ADAMTS16: variants seen among roughly 807,000 people sequenced by gnomAD.
ADAMTS16 encodes the protein A disintegrin and metalloproteinase with thrombospondin motifs 16.
In ADAMTS16, 94 loss-of-function variants were observed where a neutral mutation model predicts 145.8. The observed-to-expected ratio is 0.64, with a 90% CI of 0.55 to 0.77. The LOEUF (loss-of-function observed/expected upper bound fraction) is 0.77. Among genes scored for constraint, ADAMTS16 ranks in the 30% least tolerant of loss-of-function variants. ADAMTS16 has a pLI of 0.00. For synonymous variants in ADAMTS16, 659 were observed against 604.3 expected (o/e 1.09, Z -1.33); for missense variants, 1,585 against 1,591.5 (o/e 1.00, Z 0.07).
intron 16 of ADAMTS16, among the ~76,000 whole-genome samples, chr5:5,241,251 C>T (rs16875121): frequency 0.028 from 4,304 of 152,228 alleles, 200 homozygotes; most frequent in East Asian, 0.21. Context: ...GGTGAGTTTT[C>T]CAGAAAAGTC....
At chr5:5,222,268 A>G (rs1736626724) in intron 10 of ADAMTS16, among the ~76,000 whole-genome samples, 1 of 152,150 alleles carries the variant, frequency 6.6e-6, no homozygotes, top group South Asian at 2.1e-4. Flanking sequence ...GATGCCTCAC[A>G]TATTTTAAGC....
At chr5:5,152,775 A>G (rs888362024) in intron 3 of ADAMTS16, among the ~76,000 whole-genome samples, 1 of 152,218 alleles carries the variant, frequency 6.6e-6, no homozygotes. Flanking sequence ...TATTTTATGC[A>G]CTTAAGATAA....
intron 3 of ADAMTS16, among the ~76,000 whole-genome samples, chr5:5,151,140 C>A (rs3995768): frequency 0.49 from 73,767 of 151,660 alleles, 18,460 homozygotes; most frequent in Middle Eastern, 0.63. Context: ...ATTTTTATTT[C>A]TTTCTTTTAA....
intron 17 of ADAMTS16, among the ~76,000 whole-genome samples, chr5:5,250,164 T>C (rs76111726): frequency 0.026 from 3,951 of 152,236 alleles, 150 homozygotes; most frequent in African/African-American, 0.089. Context: ...GAGTTCTCAC[T>C]TTGCGCTGTG....
At chr5:5,152,237 G>C (rs1041445097) in intron 3 of ADAMTS16, among the ~76,000 whole-genome samples, 3 of 152,232 alleles carry the variant, frequency 2.0e-5, no homozygotes, top group African/African-American at 7.2e-5. Context: ...CCGAATTGCA[G>C]ATGGGACTGC....
intron 3 of ADAMTS16, among the ~76,000 whole-genome samples, chr5:5,175,488 C>A (rs1299257728): frequency 6.6e-6 from 1 of 152,212 alleles, no homozygotes; most frequent in East Asian, 1.9e-4. Context: ...GGCTAACACA[C>A]TCACTCCCTT....
In ADAMTS16 at chr5:5,245,264, A is replaced by G. The variant is rs116475104; in HGVS notation, c.2662+3073A>G. Among the ~76,000 whole-genome samples, 660 of 152,348 alleles carry G rather than the reference A, an allele frequency of 4.3e-3. 5 individuals are homozygous for G. Among genetic ancestry groups the G allele is most frequent in the African/African-American group, 0.015 (620 of 41,596 alleles). Reference sequence around the variant, plus strand: ...GATTTAAATTATGTGGTATCTGACAATAGCATGTTTTAACTGCTTGGATGA... The same window carrying G: ...GATTTAAATTATGTGGTATCTGACAGTAGCATGTTTTAACTGCTTGGATGA... On this transcript the variant is annotated intron_variant, in intron 17 of 22. Transcript: ENST00000274181.
chr5:5,306,491 CTCT>C lies in ADAMTS16; in HGVS notation c.3187-8_3187-6del, dbSNP rs1379337627. 4 of 1,595,044 alleles carry C rather than the reference CTCT, an allele frequency of 2.5e-6. No homozygotes were observed. Among genetic ancestry groups the C allele is most frequent in the Non-Finnish European group, 3.4e-6 (4 of 1,168,102 alleles). ...ATTTTTTTCACTGACTTCTTTTGTT[CTCT>C]TCTTTTTAGTGCTCTGTGACATGTG... is the stretch of plus-strand genomic sequence containing the variant. On this transcript the variant is annotated splice_polypyrimidine_tract_variant and intron_variant, in intron 20 of 22. Coordinates refer to ENST00000274181, the MANE Select transcript of ADAMTS16 (RefSeq NM_139056.4).
intron 2 of ADAMTS16, among the ~76,000 whole-genome samples, chr5:5,144,340 G>A (rs1734241516): frequency 6.6e-6 from 1 of 152,120 alleles, no homozygotes; most frequent in African/African-American, 2.4e-5. Flanking sequence ...TGGCTTCAGA[G>A]CTTACAACGT....
At chr5:5,176,460 T>C (rs1166459695) in intron 3 of ADAMTS16, among the ~76,000 whole-genome samples, 1 of 152,206 alleles carries the variant, frequency 6.6e-6, no homozygotes, top group East Asian at 1.9e-4. Flanking sequence ...GCAAGAAATC[T>C]TGGTAAATTT....
intron 17 of ADAMTS16, among the ~76,000 whole-genome samples, chr5:5,254,329 G>A (rs74422769): frequency 2.5e-3 from 373 of 151,698 alleles, no homozygotes; most frequent in African/African-American, 4.6e-3. Context: ...ACTTTCATGC[G>A]CCCTATATTC....
At chr5:5,182,417 G>A in intron 4 of ADAMTS16, 112 bp downstream of exon 4, 1 of 1,375,904 alleles carries the variant, frequency 7.3e-7, no homozygotes, top group Non-Finnish European at 9.8e-7. Context: ...GAAATCTATG[G>A]ACTGTCGTTG....
At chr5:5,164,780 C>T (rs1291455426) in intron 3 of ADAMTS16, among the ~76,000 whole-genome samples, 1 of 152,092 alleles carries the variant, frequency 6.6e-6, no homozygotes, top group Non-Finnish European at 1.5e-5. Flanking sequence ...AGGTTCACAC[C>T]ATTCTCCTGC....
chr5:5,224,284 C>G (rs956384514), intron 11 of ADAMTS16, among the ~76,000 whole-genome samples: 1 of 141,264 alleles, frequency 7.1e-6, no homozygotes, highest in Non-Finnish European at 1.5e-5. Context: ...AATAGCAATG[C>G]TTTCAGTTTC....
chr5:5,315,009 A>T (rs1249567382), intron 21 of ADAMTS16, among the ~76,000 whole-genome samples: 1 of 152,206 alleles, frequency 6.6e-6, no homozygotes, highest in Admixed American at 6.5e-5. Context: ...GCTGCTAATG[A>T]AGACATCTGA....
chr5:5,290,561 G>A (rs965025677), intron 18 of ADAMTS16, among the ~76,000 whole-genome samples: 1 of 152,104 alleles, frequency 6.6e-6, no homozygotes, highest in Non-Finnish European at 1.5e-5. Context: ...AGGCTGAGAT[G>A]GGAACTTGAA....
chr5:5,314,409 C>T (rs748744119), intron 21 of ADAMTS16, among the ~76,000 whole-genome samples: 2 of 152,160 alleles, frequency 1.3e-5, no homozygotes, highest in Non-Finnish European at 2.9e-5. Flanking sequence ...TTTTAGGATC[C>T]GTCTGTTTGG....
chr5:5,146,519 C>A, intron 3 of ADAMTS16, 64 bp downstream of exon 3: 2 of 1,459,228 alleles, frequency 1.4e-6, no homozygotes, highest in Admixed American at 4.1e-5. Context: ...GAGAGCGTAA[C>A]CAGGACTTTC....
At chr5:5,247,621 C>T (rs1173074487) in intron 17 of ADAMTS16, among the ~76,000 whole-genome samples, 1 of 152,216 alleles carries the variant, frequency 6.6e-6, no homozygotes, top group Non-Finnish European at 1.5e-5. Context: ...CCCACGTTCC[C>T]ACTACGTGGC....
Sources: gnomAD v4.1 joint callset for allele counts (sites outside exome capture counted in the v4.1 genomes callset) on GRCh38, gnomAD v4.1.1 for gene constraint, MANE v1.5 for transcripts, NCBI Gene and HGNC (gene_info 2026-07-23, HGNC 2026-07-21) for gene names.